The following SFSWAP variants were observed in gnomAD, a reference collection of about 807,000 sequenced individuals.
The protein encoded by SFSWAP is splicing factor, suppressor of white-apricot homolog.
SFSWAP carries 17 observed loss-of-function variants against 100.7 expected under a neutral mutation model. That is an observed-to-expected ratio of 0.17 (90% CI 0.12 to 0.25). The LOEUF is 0.25. Among genes scored for constraint, SFSWAP ranks in the 10% least tolerant of loss-of-function variants. The pLI is 1.00. For missense variants in SFSWAP, 1,005 were observed against 1,262.6 expected (o/e 0.80, Z 3.09); for synonymous variants, 504 against 510.1 (o/e 0.99, Z 0.16).
At chr12:131,783,128 C>T (rs1382663651) in intron 14 of SFSWAP, among the ~76,000 whole-genome samples, 1 of 150,162 alleles carries the variant, frequency 6.7e-6, no homozygotes, top group Admixed American at 6.7e-5. Flanking sequence ...TTGCAGTGAG[C>T]CAAGATCGTG....
At chr12:131,782,036 A>G (rs777392537) in intron 14 of SFSWAP, among the ~76,000 whole-genome samples, 3 of 152,230 alleles carry the variant, frequency 2.0e-5, no homozygotes, top group South Asian at 2.1e-4. Flanking sequence ...GTCTGAGGAC[A>G]TAAGTTAAAC....
In SFSWAP at chr12:131,725,566, C is replaced by T. The variant is rs1209813378; in HGVS notation, c.768C>T (p.Ile256=). 6.2e-7 allele frequency: 1 copy of T among 1,614,010 alleles called. No homozygotes were observed. Among genetic ancestry groups the T allele is most frequent in the Admixed American group, 1.7e-5 (1 of 59,986 alleles). The change falls in exon 5 of 18, where the codon ATC becomes ATT. Residue 256 remains isoleucine (I), a synonymous_variant. Transcript: ENST00000261674. The surrounding 1 kb of genome is among the most constrained non-coding windows in gnomAD (Gnocchi z 4.3). The stretch of plus-strand genomic sequence containing the variant: ...ACCTCAACCCCTACTATAAGTTCAT[C>T]CAGAAAGCCATGAAAGAGGGACGCT... The part of the protein sequence containing the change: ...DHYLNPYYKF[I]QKAMKEGRYT...
intron 13 of SFSWAP, among the ~76,000 whole-genome samples, chr12:131,777,513 T>C (rs1029420138): frequency 2.0e-5 from 3 of 152,252 alleles, no homozygotes; most frequent in African/African-American, 4.8e-5. Flanking sequence ...ATGGTGTATA[T>C]GTGCCGCATT....
At chr12:131,783,925 T>G (rs1884708304) in intron 14 of SFSWAP, 2 of 150,996 alleles carry the variant, frequency 1.3e-5, no homozygotes, top group Admixed American at 1.3e-4. Flanking sequence ...CAGAAGGGAC[T>G]CAGGCCACAC....
At chr12:131,764,091 A>G (rs969639502) in intron 11 of SFSWAP, among the ~76,000 whole-genome samples, 4 of 152,186 alleles carry the variant, frequency 2.6e-5, no homozygotes, top group African/African-American at 7.2e-5. Flanking sequence ...GTGCCACTGC[A>G]CTCCAGCCTG....
chr12:131,749,529 A>G (rs1881428578), intron 7 of SFSWAP, among the ~76,000 whole-genome samples: 1 of 152,230 alleles, frequency 6.6e-6, no homozygotes, highest in Non-Finnish European at 1.5e-5. Context: ...GGGGCTGTAT[A>G]CAAAATCCCT....
At chr12:131,775,440 G>T (rs1437150433) in intron 13 of SFSWAP, among the ~76,000 whole-genome samples, 2 of 152,168 alleles carry the variant, frequency 1.3e-5, no homozygotes, top group African/African-American at 4.8e-5. Flanking sequence ...TCTGCGCAGC[G>T]TGTGCTCCTG....
In SFSWAP at chr12:131,725,671, G is replaced by A. The variant is rs867780477; in HGVS notation, c.832+41G>A. The A allele has an allele frequency of 6.8e-7, 1 of 1,475,136 alleles. No individual in the cohort carries two copies. The highest frequency in any genetic ancestry group is 1.7e-4 in the Middle Eastern group (1 of 5,828). 91.4% of individuals were successfully genotyped at this position (1,475,136 alleles called of 1,614,324 possible). ...TCTGTTCCGTCCAGACTTTGGGCCT[G>A]TGTTGTGGGGGCGGCAGGCTGGGTG... is the stretch of plus-strand genomic sequence containing the variant. On this transcript the variant is annotated intron_variant, in intron 5 of 17. Transcript: ENST00000261674. The surrounding 1 kb of genome is among the most constrained non-coding windows in gnomAD (Gnocchi z 4.3).
intron 7 of SFSWAP, among the ~76,000 whole-genome samples, chr12:131,752,608 G>A (rs547605905): frequency 5.4e-4 from 82 of 152,344 alleles, no homozygotes; most frequent in African/African-American, 1.6e-3. Context: ...GGGTTGCCAG[G>A]AGCAGCTGCC....
chr12:131,715,726 A>G (rs1391537678), intron 3 of SFSWAP, among the ~76,000 whole-genome samples: 2 of 151,858 alleles, frequency 1.3e-5, no homozygotes, highest in East Asian at 2.0e-4. Flanking sequence ...GAAGAAGAAC[A>G]TTAACTTAGA....
chr12:131,736,759 G>C (rs1025923354), intron 7 of SFSWAP, among the ~76,000 whole-genome samples: 45 of 152,170 alleles, frequency 3.0e-4, no homozygotes, highest in African/African-American at 1.1e-3. Context: ...CTGTTGGAAT[G>C]TTATTTTGTA....
chr12:131,714,687 A>T lies in SFSWAP; in HGVS notation c.389-135A>T, dbSNP rs1877715330. 1 of 762,696 alleles carries T rather than the reference A, an allele frequency of 1.3e-6. No individual in the cohort carries two copies. Among genetic ancestry groups the T allele is most frequent in the Non-Finnish European group, 2.1e-6 (1 of 478,336 alleles). 47.2% of individuals were successfully genotyped at this position (762,696 alleles called of 1,614,324 possible). On this transcript the variant is annotated intron_variant, in intron 2 of 17. Transcript: ENST00000261674. This position sits in a 1 kb window ranked among gnomAD's most constrained non-coding sequence, Gnocchi z 6.0. ...TGATAGATATAAAGTGTGAATTTTT[A>T]AAACTATTTTACCTCAAAAGTAGGT... is the stretch of plus-strand genomic sequence containing the variant.
chr12:131,739,248 C>T (rs1880364425), intron 7 of SFSWAP, among the ~76,000 whole-genome samples: 1 of 152,122 alleles, frequency 6.6e-6, no homozygotes, highest in African/African-American at 2.4e-5. Flanking sequence ...AGAAAATAAA[C>T]AGCTAGGTCA....
chr12:131,741,308 TTTTG>T (rs1274466504), intron 7 of SFSWAP, among the ~76,000 whole-genome samples: 10 of 152,246 alleles, frequency 6.6e-5, no homozygotes, highest in African/African-American at 2.2e-4. Flanking sequence ...TAAAATATTA[TTTTG>T]TTTGTTTGTA....
Position 131,711,509 on chromosome 12 carries a change from G to A in SFSWAP, c.218+62G>A, listed in dbSNP as rs1877340144. ...CCTCACCCGCTTGATCTCGTCTGAT[G>A]TTGACTTGACTGCAAGGACTGCAGA... On this transcript the variant is annotated intron_variant, in intron 1 of 17. Transcript: ENST00000261674. This position sits in a 1 kb window ranked among gnomAD's most constrained non-coding sequence, Gnocchi z 4.9. 1 of 1,402,048 alleles carries A rather than the reference G, an allele frequency of 7.1e-7. No individual in the cohort carries two copies. The highest frequency in any genetic ancestry group is 1.2e-5 in the South Asian group (1 of 85,528). The allele number at this position is 1,402,048 out of a possible 1,614,324, so 86.9% of individuals were successfully genotyped here. A position where few individuals can be genotyped will look rare whatever the true frequency, so the allele number is the denominator to read the frequency against.
chr12:131,715,615 C>T lies in SFSWAP; in HGVS notation c.520+662C>T, dbSNP rs118038413. 1.4e-3 allele frequency among the ~76,000 whole-genome samples: 208 copies of T among 152,358 alleles called. 5 individuals carry two copies. In the East Asian group the frequency reaches 0.035, roughly 25 times the overall value. On this transcript the variant is annotated intron_variant, in intron 3 of 17. Coordinates refer to ENST00000261674, the MANE Select transcript of SFSWAP (RefSeq NM_004592.4). The stretch of plus-strand genomic sequence containing the variant: ...CACTAAGCGTCGAGAGCTCCACTAC[C>T]ACAGCGCTGCATCATGGTCAGTCGT...
At chr12:131,770,404 G>A (rs1253811678) in intron 13 of SFSWAP, among the ~76,000 whole-genome samples, 1 of 152,206 alleles carries the variant, frequency 6.6e-6, no homozygotes, top group Non-Finnish European at 1.5e-5. Context: ...AGGGTGGCAT[G>A]AGGACACTCC....
Position 131,764,443 on chromosome 12 carries a change from C to T in SFSWAP, c.1721-13C>T. On this transcript the variant is annotated splice_polypyrimidine_tract_variant and intron_variant, in intron 11 of 17. Transcript: ENST00000261674. ...CTGTAACATGTATCATAATTCTCAC[C>T]TTTCCTCAATAGCTTCCTTTGCTCC... 1 of 1,606,096 alleles carries T rather than the reference C, an allele frequency of 6.2e-7. No individual in the cohort carries two copies. The highest frequency in any genetic ancestry group is 1.3e-5 in the African/African-American group (1 of 74,854).
chr12:131,746,567 C>G (rs1881120136), intron 7 of SFSWAP, among the ~76,000 whole-genome samples: 1 of 152,198 alleles, frequency 6.6e-6, no homozygotes, highest in Non-Finnish European at 1.5e-5. Context: ...GTGTTCATTC[C>G]TGTTCTTGTT....
Sources: gnomAD v4.1 joint callset for allele counts (sites outside exome capture counted in the v4.1 genomes callset) on GRCh38, gnomAD v4.1.1 for gene constraint, Gnocchi (gnomAD v3.1) non-coding constraint, MANE v1.5 for transcripts, NCBI Gene and HGNC (gene_info 2026-07-23, HGNC 2026-07-21) for gene names.